PAG1: variants seen among roughly 807,000 people sequenced by gnomAD.
PAG1 encodes phosphoprotein associated with glycosphingolipid-enriched microdomains 1.
A neutral mutation model predicts 31.7 loss-of-function variants in PAG1; 23 were observed. That is an observed-to-expected ratio of 0.73 (90% CI 0.52 to 1.03). The LOEUF is 1.03. PAG1 is among the 50% of genes least tolerant of loss of function. PAG1 has a pLI of 0.00. For missense variants in PAG1, 473 were observed against 540.7 expected (o/e 0.87, Z 1.24); for synonymous variants, 214 against 210.3 (o/e 1.02, Z -0.15).
chr8:80,982,418 C>A (rs986185393), intron 7 of PAG1, among the ~76,000 whole-genome samples: 12 of 152,262 alleles, frequency 7.9e-5, no homozygotes, highest in Middle Eastern at 3.4e-3. Context: ...CCACAACTTT[C>A]CTGTTTTTGT....
intron 1 of PAG1, among the ~76,000 whole-genome samples, chr8:81,107,859 A>G (rs903661150): frequency 2.6e-5 from 4 of 152,152 alleles, no homozygotes; most frequent in African/African-American, 7.2e-5. Context: ...TAACCTCCCA[A>G]TGTGCCTCTC....
chr8:81,031,296 T>C (rs901735042), intron 2 of PAG1, among the ~76,000 whole-genome samples: 1 of 152,220 alleles, frequency 6.6e-6, no homozygotes, highest in Non-Finnish European at 1.5e-5. Flanking sequence ...TCATGGGCTG[T>C]CTTCTTCTAA....
rs542060173 is a variant in PAG1, at chr8:80,971,553, C to T, written c.*4991G>A. On this transcript the variant is annotated 3_prime_UTR_variant, in exon 9 of 9. Transcript: ENST00000220597. ...TATCAACCTTTGTAATACATGATTA[C>T]GCAAGGTGATATGAGACAACCCAAG... 1.9e-4 allele frequency: 29 copies of T among 152,174 alleles called. No individual in the cohort carries two copies. Among genetic ancestry groups the T allele is most frequent in the African/African-American group, 2.9e-4 (12 of 41,482 alleles). 9.4% of individuals were successfully genotyped at this position (152,174 alleles called of 1,614,324 possible).
At chr8:81,099,583 AC>A (rs780177553) in intron 1 of PAG1, among the ~76,000 whole-genome samples, 1 of 152,240 alleles carries the variant, frequency 6.6e-6, no homozygotes, top group Non-Finnish European at 1.5e-5. Flanking sequence ...GATAGAAACT[AC>A]ATTTTTATTG....
In PAG1 at chr8:80,970,121, G is replaced by A. The variant is rs1036708646; in HGVS notation, c.*6423C>T. On this transcript the variant is annotated 3_prime_UTR_variant, in exon 9 of 9. Transcript: ENST00000220597. ...TTAAAAAGGTTTTTTTTTTGTTTTT[G>A]TTTTTGAGATGGAGTCTTGCTCTGT... 2.0e-5 allele frequency: 3 copies of A among 150,880 alleles called. No individual in the cohort carries two copies. The highest frequency in any genetic ancestry group is 2.0e-4 in the Admixed American group (3 of 15,178). The allele number at this position is 150,880 out of a possible 1,614,324, so 9.3% of individuals were successfully genotyped here.
At chr8:81,085,702 G>C (rs1222762872) in intron 1 of PAG1, among the ~76,000 whole-genome samples, 1 of 152,170 alleles carries the variant, frequency 6.6e-6, no homozygotes, top group Non-Finnish European at 1.5e-5. Context: ...ACACAGCTGA[G>C]GTATAGCACA....
intron 3 of PAG1, among the ~76,000 whole-genome samples, chr8:81,029,392 C>G (rs1325997728): frequency 2.6e-5 from 4 of 151,680 alleles, no homozygotes; most frequent in African/African-American, 7.3e-5. Context: ...ACACACACCC[C>G]TCCCCACAAG....
chr8:81,027,460 A>G (rs1291148284), intron 3 of PAG1, among the ~76,000 whole-genome samples: 1 of 152,242 alleles, frequency 6.6e-6, no homozygotes, highest in Non-Finnish European at 1.5e-5. Flanking sequence ...TTTGTTACAT[A>G]AGATTAACCC....
At position 80,978,408 on chromosome 8, in the gene PAG1, C is replaced by G. The variant is rs1191820163; in HGVS notation, c.937-1502G>C. On this transcript the variant is annotated intron_variant, in intron 8 of 8. Transcript: ENST00000220597. ...AGAATGTATTATCTAAATGGTGGTC[C>G]AAGCCAAAAATTATATGTGGACAGA... 2.6e-5 allele frequency among the ~76,000 whole-genome samples: 4 copies of G among 152,070 alleles called. No individual in the cohort carries two copies. In the East Asian group the frequency reaches 5.8e-4, roughly 22 times the overall value.
chr8:81,080,448 G>A lies in PAG1; in HGVS notation c.-233-10278C>T, dbSNP rs1185647691. ...AAGCCATGATTTGGTAGCTAGGTGG[G>A]TAGAGGCATTTCCTCTACTGTAAGA... is the stretch of plus-strand genomic sequence containing the variant. On this transcript the variant is annotated intron_variant, in intron 1 of 8. Transcript: ENST00000220597. Among the ~76,000 whole-genome samples, 2 of 152,128 alleles carry A rather than the reference G, an allele frequency of 1.3e-5. 1 individual carries two copies.
At chr8:80,997,904 T>C (rs1306481344) in intron 3 of PAG1, among the ~76,000 whole-genome samples, 1 of 152,242 alleles carries the variant, frequency 6.6e-6, no homozygotes. Context: ...CAATTTTGTA[T>C]AATTTCGAAC....
At chr8:81,015,438 G>C in intron 3 of PAG1, among the ~76,000 whole-genome samples, 1 of 152,300 alleles carries the variant, frequency 6.6e-6, no homozygotes, top group Middle Eastern at 3.4e-3. Flanking sequence ...CTGCCAGACT[G>C]TCAGGCCAAG....
intron 8 of PAG1, among the ~76,000 whole-genome samples, chr8:80,979,924 G>C (rs982884154): frequency 3.3e-5 from 5 of 152,160 alleles, no homozygotes; most frequent in African/African-American, 9.7e-5. Context: ...ATCTGCTCTT[G>C]TTGGCTGCTA....
At position 81,047,162 on chromosome 8, in the gene PAG1, C is replaced by T. The variant is rs150803933; in HGVS notation, c.-174-17073G>A. On this transcript the variant is annotated intron_variant, in intron 2 of 8. Coordinates refer to ENST00000220597, the MANE Select transcript of PAG1 (RefSeq NM_018440.4). The stretch of plus-strand genomic sequence containing the variant: ...TAGTACCGCAATGAACATATGTGTG[C>T]ATGTATTTTTATAATAGAACAATTT... Among the ~76,000 whole-genome samples, 125 of 152,268 alleles carry T rather than the reference C, an allele frequency of 8.2e-4. 1 individual carries two copies. The highest frequency in any genetic ancestry group is 2.9e-3 in the African/African-American group (120 of 41,532).
chr8:81,070,151 G>T lies in PAG1; in HGVS notation c.-214C>A, dbSNP rs1050589844. On this transcript the variant is annotated 5_prime_UTR_variant, in exon 2 of 9. Coordinates refer to ENST00000220597, the MANE Select transcript of PAG1 (RefSeq NM_018440.4). ...GAAGTTGTGGCCAACTGCTGAAATA[G>T]GAGAAAAATCTCGTGTTTTCTGGAA... 1 of 152,092 alleles carries T rather than the reference G, an allele frequency of 6.6e-6. No homozygotes were observed. The highest frequency in any genetic ancestry group is 2.4e-5 in the African/African-American group (1 of 41,394). The allele number at this position is 152,092 out of a possible 1,614,324, so 9.4% of individuals were successfully genotyped here. A position where few individuals can be genotyped will look rare whatever the true frequency, so the allele number is the denominator to read the frequency against.
intron 4 of PAG1, among the ~76,000 whole-genome samples, chr8:80,992,751 G>C (rs1009363308): frequency 1.3e-5 from 2 of 152,150 alleles, no homozygotes; most frequent in Admixed American, 1.3e-4. Flanking sequence ...CAGGGTGGTG[G>C]CAAAAAGATG....
intron 1 of PAG1, among the ~76,000 whole-genome samples, chr8:81,082,761 T>C (rs1464645392): frequency 6.6e-6 from 1 of 152,184 alleles, no homozygotes; most frequent in East Asian, 1.9e-4. Context: ...TTCATTATAT[T>C]TCTTATTTAT....
chr8:81,107,138 G>A (rs562807029), intron 1 of PAG1, among the ~76,000 whole-genome samples: 1 of 152,152 alleles, frequency 6.6e-6, no homozygotes, highest in East Asian at 1.9e-4. Context: ...ACCAGTTGAA[G>A]GCTTTATGCT....
At chr8:81,020,965 C>A (rs1228694757) in intron 3 of PAG1, among the ~76,000 whole-genome samples, 1 of 152,198 alleles carries the variant, frequency 6.6e-6, no homozygotes, top group East Asian at 1.9e-4. Context: ...AAAATGACAT[C>A]CAGAAAGGTT....
Sources: allele counts gnomAD v4.1 joint callset (sites outside exome capture counted in the v4.1 genomes callset), GRCh38; gene constraint gnomAD v4.1.1; transcripts MANE v1.5; gene names NCBI Gene and HGNC (gene_info 2026-07-23, HGNC 2026-07-21).